Variants in TMEM144 observed in about 807,000 individuals in gnomAD.
TMEM144 encodes the protein transmembrane protein 144.
TMEM144 carries 39 observed loss-of-function variants against 43.6 expected under a neutral mutation model. The ratio of observed to expected loss-of-function variants is 0.90; its 90% confidence interval spans 0.69 to 1.17. The LOEUF is 1.17. TMEM144 is among the 50% of genes most tolerant of loss of function. TMEM144 has a pLI of 0.00. For missense variants in TMEM144, 417 were observed against 411.9 expected, an observed-to-expected ratio of 1.01 and a Z score of -0.11; for synonymous variants, 154 against 133.6, an observed-to-expected ratio of 1.15 and a Z score of -1.06.
chr4:158,225,371 C>T (rs1482284108), intron 6 of TMEM144, among the ~76,000 whole-genome samples: 2 of 152,194 alleles, frequency 1.3e-5, no homozygotes, highest in African/African-American at 4.8e-5. Flanking sequence ...TCTTTTAACT[C>T]ATGAAAAGCT....
intron 6 of TMEM144, among the ~76,000 whole-genome samples, chr4:158,226,798 TA>T (rs779312108): frequency 1.1e-3 from 162 of 152,320 alleles, no homozygotes; most frequent in Non-Finnish European, 2.0e-3. Context: ...TTATTACAAA[TA>T]TTTTTTTCTT....
intron 11 of TMEM144, among the ~76,000 whole-genome samples, chr4:158,243,592 C>T (rs1735730048): frequency 6.6e-6 from 1 of 152,184 alleles, no homozygotes; most frequent in Non-Finnish European, 1.5e-5. Flanking sequence ...TACCACCAAA[C>T]TTGAATAGCT....
At chr4:158,245,540 G>A (rs1395476911) in intron 12 of TMEM144, among the ~76,000 whole-genome samples, 3 of 152,108 alleles carry the variant, frequency 2.0e-5, no homozygotes, top group African/African-American at 7.2e-5. Context: ...CAAGAGAGCT[G>A]AGAGAATATG....
intron 12 of TMEM144, among the ~76,000 whole-genome samples, chr4:158,246,139 T>A (rs73860321): frequency 0.03 from 4,558 of 152,244 alleles, 161 homozygotes; most frequent in African/African-American, 0.09. Flanking sequence ...AATCTTTTTT[T>A]AAAAAATTGC....
At chr4:158,227,726 G>T (rs1734846363) in intron 6 of TMEM144, among the ~76,000 whole-genome samples, 1 of 152,104 alleles carries the variant, frequency 6.6e-6, no homozygotes, top group Non-Finnish European at 1.5e-5. Context: ...ACAGAAACTG[G>T]TCTGGGTGCC....
chr4:158,253,338 G>A, intron 12 of TMEM144, 106 bp from the exon 13 acceptor site: 2 of 902,222 alleles, frequency 2.2e-6, no homozygotes, highest in South Asian at 3.3e-5. Context: ...AAAGGGTACA[G>A]GCGGCTAGAG....
chr4:158,214,835 C>T (rs942680882), intron 3 of TMEM144, among the ~76,000 whole-genome samples: 3 of 152,146 alleles, frequency 2.0e-5, no homozygotes, highest in African/African-American at 4.8e-5. Flanking sequence ...AATATACACT[C>T]GGTCTTGCCA....
intron 12 of TMEM144, among the ~76,000 whole-genome samples, chr4:158,245,210 A>AAG (rs1735823915): frequency 3.1e-5 from 4 of 128,828 alleles, no homozygotes; most frequent in South Asian, 5.6e-4. Context: ...TAGTTCTAGT[A>AAG]AGAGTGTGTG....
rs557349648 is a variant in TMEM144 at position 158,212,988 on chromosome 4, G to A, written c.109+212G>A. 6 of 590,098 alleles carry A rather than the reference G, an allele frequency of 1.0e-5. No homozygotes were observed. In the Admixed American group the frequency reaches 1.2e-4, roughly 12 times the overall value. The allele number at this position is 590,098 out of a possible 1,614,324, so 36.6% of individuals were successfully genotyped here. On this transcript the variant is annotated intron_variant, in intron 3 of 12. Coordinates refer to ENST00000296529, the MANE Select transcript of TMEM144 (RefSeq NM_018342.5). ...TAAGGTTGTTTCATGGTAAAGTTAG[G>A]GAGGGTACAGTCAGGAAATCTCTTG...
At chr4:158,236,720 C>G (rs1735368000) in intron 8 of TMEM144, among the ~76,000 whole-genome samples, 1 of 152,020 alleles carries the variant, frequency 6.6e-6, no homozygotes, top group South Asian at 2.1e-4. Context: ...AGGTCTCACT[C>G]TGTCGCCTGG....
At chr4:158,221,296 G>T (rs975795890) in intron 6 of TMEM144, among the ~76,000 whole-genome samples, 4 of 152,160 alleles carry the variant, frequency 2.6e-5, no homozygotes, top group Admixed American at 6.5e-5. Flanking sequence ...CAATACTGCT[G>T]AATTGCCTCT....
intron 4 of TMEM144, among the ~76,000 whole-genome samples, chr4:158,215,743 G>A (rs560934035): frequency 1.0e-3 from 159 of 152,180 alleles, no homozygotes; most frequent in African/African-American, 3.6e-3. Flanking sequence ...CAAAAGGGCT[G>A]GTTAACAGAA....
intron 6 of TMEM144, among the ~76,000 whole-genome samples, chr4:158,231,638 T>G (rs1735083651): frequency 6.6e-6 from 1 of 152,104 alleles, no homozygotes; most frequent in African/African-American, 2.4e-5. Context: ...TTCTTTAGTT[T>G]GGACAGGACA....
chr4:158,249,957 G>C (rs1736110764), intron 12 of TMEM144, among the ~76,000 whole-genome samples: 1 of 142,286 alleles, frequency 7.0e-6, no homozygotes, highest in Non-Finnish European at 1.6e-5. Context: ...TCTGCACTTG[G>C]CAAGGTTTTC....
At chr4:158,213,337 T>C (rs371025191) in intron 3 of TMEM144, 1 of 152,760 alleles carries the variant, frequency 6.5e-6, no homozygotes. Context: ...CCTCACCCAA[T>C]ACCTTCACAG....
chr4:158,250,450 T>A (rs1418137137), intron 12 of TMEM144, among the ~76,000 whole-genome samples: 2 of 152,086 alleles, frequency 1.3e-5, no homozygotes, highest in Non-Finnish European at 2.9e-5. Context: ...AAAAGTCCAC[T>A]CTTTGAAGTG....
intron 6 of TMEM144, among the ~76,000 whole-genome samples, chr4:158,226,186 A>G (rs1199242368): frequency 6.6e-6 from 1 of 152,252 alleles, no homozygotes; most frequent in Non-Finnish European, 1.5e-5. Context: ...AGTAAAATGA[A>G]TGTATGATTT....
chr4:158,214,212 A>G (rs1734106600), intron 3 of TMEM144, among the ~76,000 whole-genome samples: 2 of 151,936 alleles, frequency 1.3e-5, no homozygotes. Flanking sequence ...AATTTCTTAT[A>G]TTTATGGTAG....
chr4:158,240,064 T>A (rs1176599817), intron 9 of TMEM144, among the ~76,000 whole-genome samples: 1 of 152,092 alleles, frequency 6.6e-6, no homozygotes, highest in Non-Finnish European at 1.5e-5. Flanking sequence ...TTTTTGTATT[T>A]TTAGTAAAGG....
Sources: allele counts gnomAD v4.1 joint callset (sites outside exome capture counted in the v4.1 genomes callset), GRCh38; gene constraint gnomAD v4.1.1; transcripts MANE v1.5; gene names NCBI Gene and HGNC (gene_info 2026-07-23, HGNC 2026-07-21).